DLG5: variants seen among roughly 807,000 people sequenced by gnomAD.
The protein encoded by DLG5 is disks large homolog 5.
In DLG5, 48 loss-of-function variants were observed where a neutral mutation model predicts 189.8. The observed-to-expected ratio is 0.25, with a 90% confidence interval of 0.20 to 0.32. The LOEUF is 0.32. Among genes scored for constraint, DLG5 ranks in the 10% least tolerant of loss-of-function variants. DLG5 has a pLI of 1.00. For missense variants in DLG5, 2,160 were observed against 2,544.7 expected (o/e 0.85, Z 3.25); for synonymous variants, 1,016 against 1,054.1 (o/e 0.96, Z 0.70).
intron 1 of DLG5, among the ~76,000 whole-genome samples, chr10:77,896,610 G>C (rs183822035): frequency 6.6e-5 from 10 of 151,042 alleles, no homozygotes; most frequent in Admixed American, 2.6e-4. Context: ...GGAGGCCAAG[G>C]GGGGGTGGAT....
At chr10:77,807,732 G>A (rs1841549138) in intron 25 of DLG5, 64 bp downstream of exon 25, 2 of 1,557,084 alleles carry the variant, frequency 1.3e-6, no homozygotes, top group Non-Finnish European at 1.7e-6. Flanking sequence ...ACCAGGAAAA[G>A]AGTCTCCAGT....
chr10:77,927,517 T>C (rs1846737509), upstream of DLG5: 1 of 152,150 alleles, frequency 6.6e-6, no homozygotes, highest in African/African-American at 2.4e-5. Context: ...CTGCGGTAAA[T>C]AGGCTGTTCC....
rs2131823346 is a variant in DLG5, at chr10:77,907,251, C to T, written c.304+18966G>A. ...GCTGGGCTCCTGCCCCCCTATGCCA[C>T]TTAAACAGCCATGGAACTGGGACAA... On this transcript the variant is annotated intron_variant, in intron 1 of 31. Coordinates refer to ENST00000372391, the MANE Select transcript of DLG5 (RefSeq NM_004747.4). 2.0e-5 allele frequency among the ~76,000 whole-genome samples: 3 copies of T among 152,264 alleles called. No homozygotes were observed. The Middle Eastern group carries it at 0.01, about 518-fold the overall frequency.
intron 5 of DLG5, among the ~76,000 whole-genome samples, chr10:77,852,474 G>C (rs1179581042): frequency 1.3e-5 from 2 of 152,180 alleles, no homozygotes; most frequent in Non-Finnish European, 2.9e-5. Context: ...GGAGTGCAGT[G>C]GCGCAATCTT....
At position 77,896,706 on chromosome 10, in the gene DLG5, G is replaced by A. The variant is rs1025824272; in HGVS notation, c.305-27509C>T. 3.3e-5 allele frequency among the ~76,000 whole-genome samples: 5 copies of A among 152,068 alleles called. No individual in the cohort carries two copies. In the South Asian group the frequency reaches 6.2e-4, roughly 19 times the overall value. On this transcript the variant is annotated intron_variant, in intron 1 of 31. Transcript: ENST00000372391. The stretch of plus-strand genomic sequence containing the variant: ...AAATACAAAAAAATTTGCCGGGCAT[G>A]GTGACGAGAGGCTGAGGCAGGAGAA...
At chr10:77,822,420 C>T (rs1021195849) in intron 14 of DLG5, among the ~76,000 whole-genome samples, 4 of 152,052 alleles carry the variant, frequency 2.6e-5, no homozygotes, top group South Asian at 2.1e-4. Flanking sequence ...CTGAGGCAGG[C>T]GGGTCACGAG....
chr10:77,830,138 C>A, intron 11 of DLG5, 79 bp downstream of exon 11: 2 of 1,576,410 alleles, frequency 1.3e-6, no homozygotes, highest in Non-Finnish European at 1.7e-6. Context: ...CACCTAAGTG[C>A]TACCTGGCTC....
intron 31 of DLG5, 169 bp downstream of exon 31, chr10:77,793,839 T>C: frequency 3.2e-6 from 2 of 624,802 alleles, no homozygotes; most frequent in Non-Finnish European, 5.7e-6. Flanking sequence ...AATCCTGACG[T>C]TGGCCAGGGA....
chr10:77,911,625 A>G (rs926057803), intron 1 of DLG5, among the ~76,000 whole-genome samples: 5 of 152,078 alleles, frequency 3.3e-5, no homozygotes, highest in Admixed American at 6.6e-5. Context: ...CCATTCAGAC[A>G]AGCAAACTGG....
rs1840790616 is a variant in DLG5 at position 77,794,258 on chromosome 10, C to G, written c.5547-141G>C. On this transcript the variant is annotated intron_variant, in intron 30 of 31. Coordinates refer to ENST00000372391, the MANE Select transcript of DLG5 (RefSeq NM_004747.4). ...CCCCATGTGCTCCCCACATAAAGCACAGCAACAGCCTGTAGGCTGTCGGGG... is the reference window on the plus strand; with the variant it reads ...CCCCATGTGCTCCCCACATAAAGCAGAGCAACAGCCTGTAGGCTGTCGGGG... 1.2e-5 allele frequency: 8 copies of G among 690,496 alleles called. No homozygotes were observed. In the East Asian group the frequency reaches 2.1e-4, roughly 18 times the overall value. 42.8% of individuals were successfully genotyped at this position (690,496 alleles called of 1,614,324 possible).
rs997839599 is a variant in DLG5 at position 77,834,042 on chromosome 10, G to T, written c.1623-3C>A. ...GCCTCAGGTTGTCACACAGTGTCCT[G>T]GTGGAAGGAGCAGAGGACAAGGTCA... On this transcript the variant is annotated splice_region_variant and splice_polypyrimidine_tract_variant and intron_variant, in intron 8 of 31. Coordinates refer to ENST00000372391, the MANE Select transcript of DLG5 (RefSeq NM_004747.4). 1.9e-6 allele frequency: 3 copies of T among 1,608,576 alleles called. No individual in the cohort carries two copies. The South Asian group carries it at 3.3e-5, about 18-fold the overall frequency.
intron 1 of DLG5, among the ~76,000 whole-genome samples, chr10:77,882,989 C>A (rs183667599): frequency 2.0e-5 from 3 of 152,134 alleles, no homozygotes; most frequent in East Asian, 1.9e-4. Context: ...AATCTCTGGG[C>A]CCTCAGGGTG....
chr10:77,868,873 C>T, intron 2 of DLG5: 3 of 505,702 alleles, frequency 5.9e-6, no homozygotes, highest in Non-Finnish European at 1.1e-5. Context: ...CAACAGGCTC[C>T]CCTAGAAGCC....
At chr10:77,905,595 T>C (rs1352190678) in intron 1 of DLG5, among the ~76,000 whole-genome samples, 6 of 152,298 alleles carry the variant, frequency 3.9e-5, no homozygotes, top group Admixed American at 1.3e-4. Context: ...CCTTAACAGC[T>C]ATGTAACAGC....
chr10:77,843,427 C>T lies in DLG5; in HGVS notation c.1124+20G>A. Reference sequence around the variant, plus strand: ...TTATAGGACCCATTTGCCCCCGGCCCCCGATGGCCCTAGCCCTACCTCCTC... The same window carrying T: ...TTATAGGACCCATTTGCCCCCGGCCTCCGATGGCCCTAGCCCTACCTCCTC... On this transcript the variant is annotated intron_variant, in intron 6 of 31. Transcript: ENST00000372391. 1.9e-6 allele frequency: 3 copies of T among 1,610,452 alleles called. No individual in the cohort carries two copies. The highest frequency in any genetic ancestry group is 1.7e-4 in the Middle Eastern group (1 of 5,724).
At chr10:77,892,204 C>T (rs1285382859) in intron 1 of DLG5, among the ~76,000 whole-genome samples, 1 of 152,204 alleles carries the variant, frequency 6.6e-6, no homozygotes, top group African/African-American at 2.4e-5. Context: ...GCACATCTGA[C>T]ACGTGCCCTC....
rs1840672714 is a variant in DLG5 at position 77,792,221 on chromosome 10, A to T, written c.*219T>A. 3 of 591,318 alleles carry T rather than the reference A, an allele frequency of 5.1e-6. No individual in the cohort carries two copies. Among genetic ancestry groups the T allele is most frequent in the South Asian group, 4.1e-5 (2 of 49,138 alleles). 36.6% of individuals were successfully genotyped at this position (591,318 alleles called of 1,614,324 possible). A position where few individuals can be genotyped will look rare whatever the true frequency, so the allele number is the denominator to read the frequency against. On this transcript the variant is annotated 3_prime_UTR_variant, in exon 32 of 32. Transcript: ENST00000372391. ...CTTTAGTGTTATCTGTTTTGTGTTA[A>T]AGCACACGTGTGACACGGGCAGAGT...
rs745860629 is a variant in DLG5, at chr10:77,830,732, G to A, written c.1881+9C>T. 13 of 1,609,794 alleles carry A rather than the reference G, an allele frequency of 8.1e-6. No individual in the cohort carries two copies. In the Admixed American group the frequency reaches 2.0e-4, roughly 25 times the overall value. On this transcript the variant is annotated intron_variant, in intron 10 of 31. Coordinates refer to ENST00000372391, the MANE Select transcript of DLG5 (RefSeq NM_004747.4). ...GAGAAGGAGAGAAGAACCATCAGAG[G>A]CAGCTTACCGTCTCCCTCTCGAACT...
chr10:77,926,863 C>A (rs780315222), upstream of DLG5: 5 of 300,948 alleles, frequency 1.7e-5, no homozygotes, highest in South Asian at 5.0e-5. The surrounding 1 kb of genome is among the most constrained non-coding windows in gnomAD (Gnocchi z 5.2). Context: ...TCCCCCTCCC[C>A]CTCAGCCTCC....
Sources: gnomAD v4.1 joint callset for allele counts (sites outside exome capture counted in the v4.1 genomes callset) on GRCh38, gnomAD v4.1.1 for gene constraint, Gnocchi (gnomAD v3.1) non-coding constraint, MANE v1.5 for transcripts, NCBI Gene and HGNC (gene_info 2026-07-23, HGNC 2026-07-21) for gene names.